Variants in KCNH4 observed in about 807,000 individuals in gnomAD.
KCNH4 encodes potassium voltage-gated channel subfamily H member 4, also known as voltage-gated delayed rectifier potassium channel KCNH4.
In KCNH4, 33 loss-of-function variants were observed where a neutral mutation model predicts 90.7. The observed-to-expected ratio is 0.36, with a 90% CI of 0.28 to 0.49. The LOEUF (loss-of-function observed/expected upper bound fraction) is 0.49. Ranked by LOEUF, KCNH4 falls within the 20% of genes least tolerant of loss-of-function variation. The pLI, the probability that KCNH4 is intolerant of heterozygous loss-of-function variation, is 0.98. For synonymous variants in KCNH4, 551 were observed against 581.7 expected, an observed-to-expected ratio of 0.95 and a Z score of 0.76; for missense variants, 1,044 against 1,387.1, an observed-to-expected ratio of 0.75 and a Z score of 3.93.
intron 4 of KCNH4, 36 bp downstream of exon 4, chr17:42,178,064 G>A (rs2079874376): frequency 6.2e-7 from 1 of 1,601,032 alleles, no homozygotes; most frequent in East Asian, 2.2e-5. Flanking sequence ...CAAGGCTGGA[G>A]GACTTGGGAG....
At position 42,178,993 on chromosome 17, in the gene KCNH4, G is replaced by A. The variant is rs761657152; in HGVS notation, c.110C>T (p.Thr37Ile). Residue 37 changes from threonine (T) to isoleucine (I), a missense_variant, in exon 2 of 17, where the codon ACA (threonine) becomes ATA (isoleucine). Transcript: ENST00000264661. ...GCAGTAGACGATGGGAAAGCCCCGT[G>A]TGCCCTGTGCGTTGGCCAGCAGGAA... ...SNFLLANAQG[T>I]RGFPIVYCSD... is the part of the protein sequence containing the mutation. 8 of 1,613,994 alleles carry A rather than the reference G, an allele frequency of 5.0e-6. No homozygotes were observed. Among genetic ancestry groups the A allele is most frequent in the Non-Finnish European group, 5.9e-6 (7 of 1,179,834 alleles).
At chr17:42,176,364 A>T in intron 4 of KCNH4, 67 bp from the exon 5 acceptor site, 10 of 1,356,200 alleles carry the variant, frequency 7.4e-6, no homozygotes, top group African/African-American at 1.5e-5. Context: ...GGGGTGGGAA[A>T]GGCAGGGGAT....
At chr17:42,174,431 GA>G (rs2079848219) in intron 6 of KCNH4, among the ~76,000 whole-genome samples, 1 of 152,300 alleles carries the variant, frequency 6.6e-6, no homozygotes, top group East Asian at 1.9e-4. Context: ...GGTGGGCATA[GA>G]GGGGTGGGCG....
chr17:42,163,925 T>C lies in KCNH4; in HGVS notation c.2158A>G (p.Lys720Glu). ...GCCTCTGTGATGGATGGCAGCGTCTTGTCTGAGGAGGAGCCGAGGCTTTCT... is the reference window on the plus strand; with the variant it reads ...GCCTCTGTGATGGATGGCAGCGTCTCGTCTGAGGAGGAGCCGAGGCTTTCT... ...RSESLGSSSD[K>E]TLPSITEAES... Residue 720 changes from lysine to glutamate, a missense_variant, in exon 13 of 17, where the codon AAG becomes GAG. Lys to Glu is a moderately conservative substitution (Grantham distance 56, BLOSUM62 1). Transcript: ENST00000264661. The surrounding 1 kb of genome is among the most constrained non-coding windows in gnomAD (Gnocchi z 5.4). 6.5e-7 allele frequency: 1 copy of C among 1,546,838 alleles called. No individual in the cohort carries two copies.
chr17:42,164,128 A>G lies in KCNH4; in HGVS notation c.2124+2T>C. ...CAACCCCACCCAGGAAGTGGGTGTT[A>G]CCTGGGAGAGGCGAGGGGATCGGGA... On this transcript the variant is annotated splice_donor_variant, in intron 12 of 16. Coordinates refer to ENST00000264661, the MANE Select transcript of KCNH4 (RefSeq NM_012285.3). LOFTEE classifies it high-confidence loss of function. 2 of 1,550,840 alleles carry G rather than the reference A, an allele frequency of 1.3e-6. No individual in the cohort carries two copies. The highest frequency in any genetic ancestry group is 1.7e-6 in the Non-Finnish European group (2 of 1,146,472).
At chr17:42,165,780 T>C in intron 10 of KCNH4, 87 bp from the exon 11 acceptor site, 1 of 1,512,340 alleles carries the variant, frequency 6.6e-7, no homozygotes, top group Admixed American at 1.7e-5. Flanking sequence ...TGAGGGGTGG[T>C]CAGTGTGTTT....
intron 7 of KCNH4, 149 bp downstream of exon 7, chr17:42,171,639 C>G (rs955171240): frequency 1.2e-6 from 1 of 820,718 alleles, no homozygotes; most frequent in Middle Eastern, 2.8e-4. Flanking sequence ...AATCAATATT[C>G]CCATGCTTGA....
At chr17:42,161,322 G>A (rs1339730698) in intron 15 of KCNH4, among the ~76,000 whole-genome samples, 2 of 152,200 alleles carry the variant, frequency 1.3e-5, no homozygotes, top group African/African-American at 4.8e-5. Flanking sequence ...CAAGCTTGCT[G>A]AACAAGAGCC....
chr17:42,163,794 G>A lies in KCNH4; in HGVS notation c.2289C>T (p.Gly763=), dbSNP rs757101246. The A allele has an allele frequency of 3.9e-6, 6 of 1,540,460 alleles. No individual in the cohort carries two copies. The Middle Eastern group carries it at 6.4e-4, about 165-fold the overall frequency. Residue 763 remains glycine, a synonymous_variant, in exon 13 of 17, where the codon GGC becomes GGT. Coordinates refer to ENST00000264661, the MANE Select transcript of KCNH4 (RefSeq NM_012285.3). The surrounding 1 kb of genome is among the most constrained non-coding windows in gnomAD (Gnocchi z 5.4). ...RPRGSLVSLL[G]EELPPFSALV... The stretch of plus-strand genomic sequence containing the variant: ...GGGCTGAGAATGGGGGCAGCTCCTC[G>A]CCCAAAAGGCTGACCAGGGAGCCCC...
chr17:42,157,414 C>G (rs911915386), intron 16 of KCNH4, among the ~76,000 whole-genome samples: 3 of 152,040 alleles, frequency 2.0e-5, no homozygotes, highest in African/African-American at 7.2e-5. Context: ...ACTCAAATAC[C>G]CACAGAGACC....
At chr17:42,177,476 G>T (rs2079870469) in intron 4 of KCNH4, among the ~76,000 whole-genome samples, 1 of 152,152 alleles carries the variant, frequency 6.6e-6, no homozygotes, top group Non-Finnish European at 1.5e-5. Context: ...TGGGATTACA[G>T]GCATGAGCCA....
chr17:42,160,920 C>CTTTTTTTTTTTTTTTTTTTTT (rs57677761), intron 15 of KCNH4, among the ~76,000 whole-genome samples: 1 of 73,408 alleles, frequency 1.4e-5, no homozygotes, highest in African/African-American at 5.6e-5. Flanking sequence ...TTTTCTTTTT[C>CTTTTTTTTTTTTTTTTTTTTT]TTTTTTTTTT....
chr17:42,169,457 T>A lies in KCNH4; in HGVS notation c.1590+20A>T, dbSNP rs369170039. 1.2e-6 allele frequency: 2 copies of A among 1,611,080 alleles called. No individual in the cohort carries two copies. Among genetic ancestry groups the A allele is most frequent in the Non-Finnish European group, 1.7e-6 (2 of 1,178,936 alleles). On this transcript the variant is annotated intron_variant, in intron 9 of 16. Coordinates refer to ENST00000264661, the MANE Select transcript of KCNH4 (RefSeq NM_012285.3). ...GGCCACGCGGAGGGCAAGGGCAAGA[T>A]TGGAGACCCTGCAGGCTACCTCGTT...
In KCNH4 at chr17:42,169,649, T is replaced by C; in HGVS notation, c.1418A>G (p.Asn473Ser). 3 of 1,613,920 alleles carry C rather than the reference T, an allele frequency of 1.9e-6. No homozygotes were observed. The highest frequency in any genetic ancestry group is 2.5e-6 in the Non-Finnish European group (3 of 1,179,962). The change falls in exon 9 of 17, where the codon AAC (asparagine) becomes AGC (serine). Residue 473 changes from asparagine (N) to serine (S), a missense_variant. This residue lies in a region of KCNH4 where 318 missense variants were observed against 479.6 expected (regional missense o/e 0.66). Coordinates refer to ENST00000264661, the MANE Select transcript of KCNH4 (RefSeq NM_012285.3). ...CATGCGCTGGATGATGGCTGTCACGTTCCCGAACACCACAGCGTGCATCAG... is the reference window on the plus strand; with the variant it reads ...CATGCGCTGGATGATGGCTGTCACGCTCCCGAACACCACAGCGTGCATCAG... ...GALMHAVVFG[N>S]VTAIIQRMYS...
chr17:42,179,003 C>CACA lies in KCNH4; in HGVS notation c.99_100insTGT (p.Asn33_Ala34insCys), dbSNP rs2079883467. The stretch of plus-strand genomic sequence containing the variant: ...ATGGGAAAGCCCCGTGTGCCCTGTG[C>CACA]GTTGGCCAGCAGGAAGTTGCTGTCT... On this transcript the variant is annotated inframe_insertion, in exon 2 of 17. Transcript: ENST00000264661. 1 of 1,613,444 alleles carries CACA rather than the reference C, an allele frequency of 6.2e-7. No homozygotes were observed. The highest frequency in any genetic ancestry group is 8.5e-7 in the Non-Finnish European group (1 of 1,179,392).
In KCNH4 at chr17:42,160,413, A is replaced by G. The variant is rs761111147; in HGVS notation, c.2681T>C (p.Val894Ala). 1.9e-6 allele frequency: 3 copies of G among 1,602,948 alleles called. No homozygotes were observed. The highest frequency in any genetic ancestry group is 2.6e-6 in the Non-Finnish European group (3 of 1,172,744). The change falls in exon 16 of 17, where the codon GTG becomes GCG. Residue 894 changes from valine (V) to alanine (A), a missense_variant. Val to Ala is a moderately conservative substitution (Grantham distance 64). Transcript: ENST00000264661. ...CCGCAGCTCCCGGCTAAGCTGAGACACCTCCTGATTGAGACGAGAGATCTG... is the reference window on the plus strand; with the variant it reads ...CCGCAGCTCCCGGCTAAGCTGAGACGCCTCCTGATTGAGACGAGAGATCTG... ...NQEISRLNQE[V>A]SQLSRELRHI...
chr17:42,169,377 G>T, intron 9 of KCNH4, 100 bp downstream of exon 9: 2 of 1,154,144 alleles, frequency 1.7e-6, no homozygotes, highest in Non-Finnish European at 2.5e-6. Flanking sequence ...GCCGAGTTCG[G>T]CCTGCCTCCA....
intron 11 of KCNH4, among the ~76,000 whole-genome samples, chr17:42,164,681 C>T (rs1403116518): frequency 1.3e-5 from 2 of 151,754 alleles, no homozygotes; most frequent in African/African-American, 2.4e-5. Flanking sequence ...GCATGCCTGT[C>T]ATCCCAGCTA....
chr17:42,158,971 A>G (rs1172050010), intron 16 of KCNH4, among the ~76,000 whole-genome samples: 2 of 152,074 alleles, frequency 1.3e-5, no homozygotes, highest in Non-Finnish European at 2.9e-5. Context: ...GGCATGAACC[A>G]CTGTGCCCAG....
Sources: allele counts gnomAD v4.1 joint callset (sites outside exome capture counted in the v4.1 genomes callset), GRCh38; gene constraint gnomAD v4.1.1; regional missense constraint gnomAD v4.1.1; non-coding constraint Gnocchi (gnomAD v3.1); transcripts MANE v1.5; gene names NCBI Gene and HGNC (gene_info 2026-07-23, HGNC 2026-07-21).